Variants in PFDN1 observed in about 807,000 individuals in gnomAD.
PFDN1 encodes prefoldin subunit 1, also known as prefoldin 1.
PFDN1 carries 6 observed loss-of-function variants against 17.3 expected under a neutral mutation model. That is an observed-to-expected ratio of 0.35 (90% confidence interval 0.19 to 0.69). PFDN1 has a LOEUF of 0.69. Ranked by LOEUF, PFDN1 falls within the 30% of genes least tolerant of loss-of-function variation. PFDN1 has a pLI of 0.65. For synonymous variants in PFDN1, 58 were observed against 50.1 expected (o/e 1.16, Z -0.67); for missense variants, 113 against 146.2 (o/e 0.77, Z 1.17).
intron 3 of PFDN1, among the ~76,000 whole-genome samples, chr5:140,263,064 T>C (rs1765085976): frequency 6.6e-6 from 1 of 152,252 alleles, no homozygotes; most frequent in East Asian, 1.9e-4. Flanking sequence ...AGGCAGGTAC[T>C]TTTCATAAGG....
intron 3 of PFDN1, among the ~76,000 whole-genome samples, chr5:140,266,847 A>G (rs1581086674): frequency 6.6e-6 from 1 of 152,274 alleles, no homozygotes; most frequent in East Asian, 1.9e-4. Flanking sequence ...CTCTATAGAG[A>G]GCTGCTTCTA....
intron 3 of PFDN1, among the ~76,000 whole-genome samples, chr5:140,259,078 A>C (rs1022768272): frequency 2.6e-5 from 4 of 152,204 alleles, no homozygotes; most frequent in African/African-American, 9.7e-5. Flanking sequence ...CCAAAAGGAG[A>C]GTAGTTCAGG....
chr5:140,265,984 A>G (rs1349283942), intron 3 of PFDN1, among the ~76,000 whole-genome samples: 1 of 152,054 alleles, frequency 6.6e-6, no homozygotes, highest in Non-Finnish European at 1.5e-5. Context: ...TTTTGTCCAC[A>G]CTATTCCTTG....
At chr5:140,266,571 C>A (rs966588553) in intron 3 of PFDN1, among the ~76,000 whole-genome samples, 2 of 152,192 alleles carry the variant, frequency 1.3e-5, no homozygotes, top group Admixed American at 6.5e-5. Context: ...ACACCCACCC[C>A]CTTCCCCAAA....
chr5:140,274,187 A>G (rs1016968964), intron 3 of PFDN1, among the ~76,000 whole-genome samples: 2 of 152,214 alleles, frequency 1.3e-5, no homozygotes, highest in South Asian at 2.1e-4. Flanking sequence ...TATAGATCTC[A>G]ATCTATCAAC....
chr5:140,297,969 AGAC>A lies in PFDN1; in HGVS notation c.200+2444_200+2446del, dbSNP rs1765678108. 6.6e-5 allele frequency among the ~76,000 whole-genome samples: 10 copies of A among 152,340 alleles called. No homozygotes were observed. The South Asian group carries it at 2.1e-3, about 32-fold the overall frequency. On this transcript the variant is annotated intron_variant, in intron 2 of 3. Coordinates refer to ENST00000261813, the MANE Select transcript of PFDN1 (RefSeq NM_002622.5). ...TAATAAAGCTGGCATTACTGTTTTA[AGAC>A]CTAAGGATATTCACATTAAGGATAA... is the stretch of plus-strand genomic sequence containing the variant.
At chr5:140,260,035 G>A (rs952757621) in intron 3 of PFDN1, among the ~76,000 whole-genome samples, 3 of 152,032 alleles carry the variant, frequency 2.0e-5, no homozygotes, top group Non-Finnish European at 2.9e-5. Flanking sequence ...ATACCAACTA[G>A]GATGGCTATA....
intron 2 of PFDN1, among the ~76,000 whole-genome samples, chr5:140,293,992 T>C (rs1242822225): frequency 6.6e-6 from 1 of 152,114 alleles, no homozygotes; most frequent in Non-Finnish European, 1.5e-5. Context: ...GGTCATGTTC[T>C]ATTAGTAAAA....
intron 3 of PFDN1, among the ~76,000 whole-genome samples, chr5:140,260,903 T>C (rs555318288): frequency 1.3e-5 from 2 of 152,146 alleles, no homozygotes; most frequent in South Asian, 2.1e-4. Flanking sequence ...GGCTCATGCC[T>C]GTAATTCCAG....
intron 3 of PFDN1, among the ~76,000 whole-genome samples, chr5:140,252,356 T>C (rs1210281772): frequency 6.6e-6 from 1 of 152,218 alleles, no homozygotes; most frequent in African/African-American, 2.4e-5. Context: ...GGTTCCCTTC[T>C]GTTCCTGATA....
chr5:140,281,552 T>C lies in PFDN1; in HGVS notation c.201-19A>G, dbSNP rs1247508363. 2 of 1,350,344 alleles carry C rather than the reference T, an allele frequency of 1.5e-6. No individual in the cohort carries two copies. Among genetic ancestry groups the C allele is most frequent in the Non-Finnish European group, 2.1e-6 (2 of 942,102 alleles). The allele number at this position is 1,350,344 out of a possible 1,614,324, so 83.6% of individuals were successfully genotyped here. ...AATAAACCTATGAAACACAAGAAAG[T>C]TGAAAATTAAGCCACATGACTATTG... On this transcript the variant is annotated intron_variant, in intron 2 of 3. Coordinates refer to ENST00000261813, the MANE Select transcript of PFDN1 (RefSeq NM_002622.5).
chr5:140,300,839 T>A (rs1335440813), intron 1 of PFDN1, among the ~76,000 whole-genome samples: 2 of 152,180 alleles, frequency 1.3e-5, no homozygotes, highest in East Asian at 1.9e-4. Flanking sequence ...TAGCAAGTAC[T>A]CAAGGAGTAG....
intron 2 of PFDN1, among the ~76,000 whole-genome samples, chr5:140,292,567 A>G (rs1285103829): frequency 1.3e-5 from 2 of 152,182 alleles, no homozygotes; most frequent in Non-Finnish European, 2.9e-5. Context: ...TCCTCTTCAA[A>G]GTGAAAAGCA....
At chr5:140,275,041 C>G (rs1165502831) in intron 3 of PFDN1, among the ~76,000 whole-genome samples, 1 of 149,562 alleles carries the variant, frequency 6.7e-6, no homozygotes, top group Non-Finnish European at 1.5e-5. Flanking sequence ...TTTCTTTATT[C>G]TTTGTACAAT....
chr5:140,275,993 AC>A (rs1345692967), intron 3 of PFDN1, among the ~76,000 whole-genome samples: 1 of 152,058 alleles, frequency 6.6e-6, no homozygotes, highest in East Asian at 1.9e-4. Flanking sequence ...CCAACTTAAT[AC>A]AGGGTATCTC....
intron 2 of PFDN1, among the ~76,000 whole-genome samples, chr5:140,285,125 C>T (rs944294976): frequency 6.6e-6 from 1 of 152,102 alleles, no homozygotes; most frequent in South Asian, 2.1e-4. Context: ...CAACAAAATG[C>T]TTATGACGAG....
intron 2 of PFDN1, among the ~76,000 whole-genome samples, chr5:140,284,912 CT>C (rs1449765022): frequency 3.9e-5 from 6 of 152,178 alleles, no homozygotes; most frequent in Admixed American, 1.3e-4. Context: ...AATTCTGAGA[CT>C]TTCGGTTTTG....
Position 140,297,414 on chromosome 5 carries a change from C to G in PFDN1, c.200+3002G>C, listed in dbSNP as rs554907297. 5.3e-5 allele frequency among the ~76,000 whole-genome samples: 8 copies of G among 152,296 alleles called. No homozygotes were observed. The East Asian group carries it at 1.5e-3, about 29-fold the overall frequency. ...GAACATCCTCATGACCAGACTAATA[C>G]TCAGCAAGTCTTTTCTTCCTCTCAG... On this transcript the variant is annotated intron_variant, in intron 2 of 3. Coordinates refer to ENST00000261813, the MANE Select transcript of PFDN1 (RefSeq NM_002622.5).
chr5:140,290,987 G>A (rs996925390), intron 2 of PFDN1, among the ~76,000 whole-genome samples: 1 of 152,276 alleles, frequency 6.6e-6, no homozygotes, highest in Admixed American at 6.5e-5. Flanking sequence ...CTTTTAAATA[G>A]GATGGTCATG....
Sources: allele counts gnomAD v4.1 joint callset (sites outside exome capture counted in the v4.1 genomes callset), GRCh38; gene constraint gnomAD v4.1.1; transcripts MANE v1.5; gene names NCBI Gene and HGNC (gene_info 2026-07-23, HGNC 2026-07-21).